The following NCS1 variants were observed in gnomAD, a reference collection of about 807,000 sequenced individuals.
The protein encoded by NCS1 is frequenin homolog.
Under a neutral mutation model 28.4 loss-of-function variants are expected in NCS1, and 6 were observed. The observed-to-expected ratio is 0.21, with a 90% CI of 0.12 to 0.42. NCS1 has a LOEUF of 0.42. Ranked by LOEUF, NCS1 falls within the 10% of genes least tolerant of loss-of-function variation. The pLI is 1.00. For missense variants in NCS1, 131 were observed against 241.4 expected (o/e 0.54, Z 3.03); for synonymous variants, 86 against 99.3 (o/e 0.87, Z 0.79).
rs1197541389 is a variant in NCS1 at position 130,209,405 on chromosome 9, T to G, written c.89+8423T>G. Reference sequence around the variant, plus strand: ...GAGGCCTGGCAGTGCGGGGGCTTGCTCAGGCCCTCAGAGAACTAGAGGCCA... The same window carrying G: ...GAGGCCTGGCAGTGCGGGGGCTTGCGCAGGCCCTCAGAGAACTAGAGGCCA... On this transcript the variant is annotated intron_variant, in intron 2 of 7. Coordinates refer to ENST00000372398, the MANE Select transcript of NCS1 (RefSeq NM_014286.4). This position sits in a 1 kb window ranked among gnomAD's most constrained non-coding sequence, Gnocchi z 4.4. Among the ~76,000 whole-genome samples the G allele has an allele frequency of 6.6e-6, 1 of 152,208 alleles. No individual in the cohort carries two copies. Among genetic ancestry groups the G allele is most frequent in the Non-Finnish European group, 1.5e-5 (1 of 68,034 alleles).
intron 1 of NCS1, among the ~76,000 whole-genome samples, chr9:130,194,465 T>A (rs1357236594): frequency 1.3e-5 from 2 of 150,420 alleles, no homozygotes; most frequent in African/African-American, 4.9e-5. Flanking sequence ...CCTCCCCTTC[T>A]GCAGCTCTGG....
intron 2 of NCS1, among the ~76,000 whole-genome samples, chr9:130,207,200 C>T (rs1833035389): frequency 6.6e-6 from 1 of 152,248 alleles, no homozygotes; most frequent in South Asian, 2.1e-4. Context: ...CCTATGCTGG[C>T]TCTGCTGTTC....
chr9:130,228,812 A>G (rs1201618838), intron 7 of NCS1, among the ~76,000 whole-genome samples: 2 of 151,260 alleles, frequency 1.3e-5, no homozygotes, highest in Non-Finnish European at 3.0e-5. Context: ...GACTATAGGC[A>G]CCTGCCACCA....
intron 1 of NCS1, among the ~76,000 whole-genome samples, chr9:130,194,407 G>T (rs528450508): frequency 9.0e-6 from 1 of 111,658 alleles, no homozygotes; most frequent in Admixed American, 9.9e-5. Context: ...TGGGCGTGGG[G>T]GTGCGGCGAA....
intron 6 of NCS1, among the ~76,000 whole-genome samples, 168 bp downstream of exon 6, chr9:130,223,327 CAG>C (rs1554910896): frequency 1.3e-5 from 2 of 152,110 alleles, no homozygotes; most frequent in Non-Finnish European, 2.9e-5. Flanking sequence ...ATCCAGTGTC[CAG>C]AGTCTTAAGT....
At chr9:130,184,666 C>T (rs1832716177) in intron 1 of NCS1, among the ~76,000 whole-genome samples, 1 of 151,960 alleles carries the variant, frequency 6.6e-6, no homozygotes, top group Non-Finnish European at 1.5e-5. Context: ...CTCGCTCTGT[C>T]ACCCAGGCTG....
intron 1 of NCS1, among the ~76,000 whole-genome samples, chr9:130,196,696 C>G (rs1167129423): frequency 2.6e-5 from 4 of 152,092 alleles, no homozygotes; most frequent in African/African-American, 9.7e-5. Context: ...CCCAGATCAA[C>G]CATTGCACTC....
rs1420017396 is a variant in NCS1, at chr9:130,199,101, T to C, written c.65-1857T>C. Among the ~76,000 whole-genome samples the C allele has an allele frequency of 6.5e-5, 7 of 107,302 alleles. No homozygotes were observed. The South Asian group carries it at 1.2e-3, about 19-fold the overall frequency. 70.4% of individuals were successfully genotyped at this position (107,302 alleles called of 152,430 possible). A position where few individuals can be genotyped will look rare whatever the true frequency, so the allele number is the denominator to read the frequency against. ...TGCCTTCTCTTTCTCTCTTTCTCTT[T>C]TTTTTTTTTTGAGACACAGCCTCAC... On this transcript the variant is annotated intron_variant, in intron 1 of 7. Coordinates refer to ENST00000372398, the MANE Select transcript of NCS1 (RefSeq NM_014286.4).
chr9:130,219,133 G>A lies in NCS1; in HGVS notation c.229-592G>A, dbSNP rs1393426478. Among the ~76,000 whole-genome samples the A allele has an allele frequency of 2.0e-5, 3 of 152,138 alleles. No homozygotes were observed. Among genetic ancestry groups the A allele is most frequent in the African/African-American group, 7.2e-5 (3 of 41,426 alleles). ...GCGATGACCCTGATTCTGTCCTGCA[G>A]TAGCATTTGAGGGTGGATTTACTGC... On this transcript the variant is annotated intron_variant, in intron 3 of 7. Coordinates refer to ENST00000372398, the MANE Select transcript of NCS1 (RefSeq NM_014286.4). This position sits in a 1 kb window ranked among gnomAD's most constrained non-coding sequence, Gnocchi z 5.7.
Position 130,199,897 on chromosome 9 carries a change from GTTCATTCATTCA to G in NCS1, c.65-1041_65-1030del, listed in dbSNP as rs71499223. On this transcript the variant is annotated intron_variant, in intron 1 of 7. Coordinates refer to ENST00000372398, the MANE Select transcript of NCS1 (RefSeq NM_014286.4). Reference sequence around the variant, plus strand: ...ACACCCCTTTCCTGTCTGTTCATGTGTTCATTCATTCATTCATTCATTCATTCATTCCACAAA... The same window carrying G: ...ACACCCCTTTCCTGTCTGTTCATGTGTTCATTCATTCATTCATTCCACAAA... Among the ~76,000 whole-genome samples the G allele has an allele frequency of 5.3e-5, 8 of 150,624 alleles. No homozygotes were observed. The South Asian group carries it at 6.3e-4, about 12-fold the overall frequency.
chr9:130,211,361 C>T (rs1833109750), intron 2 of NCS1, among the ~76,000 whole-genome samples: 2 of 151,564 alleles, frequency 1.3e-5, no homozygotes, highest in Admixed American at 6.6e-5. Context: ...GGCTGGACTC[C>T]GAGATCCTGC....
intron 2 of NCS1, among the ~76,000 whole-genome samples, chr9:130,208,840 C>G (rs1037813393): frequency 7.9e-5 from 12 of 152,070 alleles, no homozygotes; most frequent in Admixed American, 2.0e-4. Context: ...GACTGAGGCT[C>G]AGAAGGGTGG....
intron 2 of NCS1, 47 bp from the exon 3 acceptor site, chr9:130,217,785 A>C (rs1554909593): frequency 6.2e-7 from 1 of 1,613,244 alleles, no homozygotes. Flanking sequence ...TGGGTGGGTG[A>C]TGTTGGCGTC....
At chr9:130,185,453 G>A (rs993488001) in intron 1 of NCS1, among the ~76,000 whole-genome samples, 1 of 152,272 alleles carries the variant, frequency 6.6e-6, no homozygotes, top group Non-Finnish European at 1.5e-5. Context: ...GTTTTCCTCC[G>A]TGGCTGGGGG....
rs372900451 is a variant in NCS1, at chr9:130,215,172, C to T, written c.90-2660C>T. 1.3e-4 allele frequency among the ~76,000 whole-genome samples: 20 copies of T among 152,346 alleles called. No individual in the cohort carries two copies. In the East Asian group the frequency reaches 2.9e-3, roughly 22 times the overall value. ...GTCTGGTGACAGTTGGGTGTGCCCC[C>T]ACATGGGTCATTAAGTCCTGGTGCC... On this transcript the variant is annotated intron_variant, in intron 2 of 7. Coordinates refer to ENST00000372398, the MANE Select transcript of NCS1 (RefSeq NM_014286.4). This position sits in a 1 kb window ranked among gnomAD's most constrained non-coding sequence, Gnocchi z 4.2.
rs370741138 is a variant in NCS1 at position 130,192,896 on chromosome 9, C to T, written c.65-8062C>T. ...TCTGTCCTCCCCACCTCCCAGTGTG[C>T]GGTACTCCATGGTTGGCACAGCTAG... On this transcript the variant is annotated intron_variant, in intron 1 of 7. Coordinates refer to ENST00000372398, the MANE Select transcript of NCS1 (RefSeq NM_014286.4). This position sits in a 1 kb window ranked among gnomAD's most constrained non-coding sequence, Gnocchi z 4.8. Among the ~76,000 whole-genome samples the T allele has an allele frequency of 3.3e-5, 5 of 152,208 alleles. No homozygotes were observed. The East Asian group carries it at 7.7e-4, about 23-fold the overall frequency.
intron 2 of NCS1, 33 bp from the exon 3 acceptor site, chr9:130,217,799 T>C (rs782546559): frequency 6.2e-7 from 1 of 1,613,872 alleles, no homozygotes; most frequent in Non-Finnish European, 8.5e-7. Flanking sequence ...TGGCGTCTCC[T>C]TTACCCTCTC....
chr9:130,218,641 G>A (rs1451741324), intron 3 of NCS1, among the ~76,000 whole-genome samples: 3 of 151,726 alleles, frequency 2.0e-5, no homozygotes, highest in African/African-American at 7.3e-5. Context: ...GCCGAGGCTG[G>A]AGTGCAGTGG....
In NCS1 at chr9:130,226,375, C is replaced by T. The variant is rs782479762; in HGVS notation, c.475-14C>T. 1 of 1,612,112 alleles carries T rather than the reference C, an allele frequency of 6.2e-7. No homozygotes were observed. Among genetic ancestry groups the T allele is most frequent in the Non-Finnish European group, 8.5e-7 (1 of 1,178,478 alleles). The stretch of plus-strand genomic sequence containing the variant: ...GGAGGCCCTGCACCCTCAGCCGCCT[C>T]TCTCTGCTCACAGAATGCCGACGGG... On this transcript the variant is annotated splice_polypyrimidine_tract_variant and intron_variant, in intron 6 of 7. Transcript: ENST00000372398. The surrounding 1 kb of genome is among the most constrained non-coding windows in gnomAD (Gnocchi z 4.8).
Sources: allele counts gnomAD v4.1 joint callset (sites outside exome capture counted in the v4.1 genomes callset), GRCh38; gene constraint gnomAD v4.1.1; non-coding constraint Gnocchi (gnomAD v3.1); transcripts MANE v1.5; gene names NCBI Gene and HGNC (gene_info 2026-07-23, HGNC 2026-07-21).